EMC3: variants seen among roughly 807,000 people sequenced by gnomAD.
EMC3 encodes ER membrane protein complex subunit 3.
In EMC3, 13 loss-of-function variants were observed where a neutral mutation model predicts 36.6. The observed-to-expected ratio is 0.35, with a 90% CI of 0.23 to 0.56. The LOEUF is 0.56. Ranked by LOEUF, EMC3 falls within the 20% of genes least tolerant of loss-of-function variation. The probability of loss-of-function intolerance (pLI) is 0.84; values close to 1 mark genes in which losing one functional copy is unlikely to be tolerated. For synonymous variants in EMC3, 120 were observed against 111.9 expected, an observed-to-expected ratio of 1.07 and a Z score of -0.46; for missense variants, 220 against 324.5, an observed-to-expected ratio of 0.68 and a Z score of 2.47.
At chr3:10,006,110 C>T (rs1042966946) in intron 1 of EMC3, among the ~76,000 whole-genome samples, 9 of 152,270 alleles carry the variant, frequency 5.9e-5, no homozygotes, top group African/African-American at 2.2e-4. Flanking sequence ...CTATTGTCTC[C>T]CCTTTCACCC....
rs998766262 is a variant in EMC3, at chr3:9,963,946, C to G, written c.*123G>C. The G allele has an allele frequency of 4.8e-5, 73 of 1,509,308 alleles. No individual in the cohort carries two copies. Among genetic ancestry groups the G allele is most frequent in the Non-Finnish European group, 6.3e-5 (70 of 1,117,288 alleles). 93.5% of individuals were successfully genotyped at this position (1,509,308 alleles called of 1,614,324 possible). On this transcript the variant is annotated 3_prime_UTR_variant, in exon 8 of 8. Transcript: ENST00000245046. ...GGAACCCAGCCCAGACAAGAACAAG[C>G]CTTGCTGCATGCCTGCCAGCTCGTG...
At chr3:9,979,335 T>A (rs2085885800) in intron 1 of EMC3, among the ~76,000 whole-genome samples, 1 of 152,084 alleles carries the variant, frequency 6.6e-6, no homozygotes, top group Non-Finnish European at 1.5e-5. Flanking sequence ...CTATAAGAGA[T>A]TAGAAATTTA....
At chr3:9,967,302 C>CCT in intron 7 of EMC3, among the ~76,000 whole-genome samples, 1 of 140,880 alleles carries the variant, frequency 7.1e-6, no homozygotes, top group Non-Finnish European at 1.5e-5. Context: ...TAGGCATGCA[C>CCT]CACCACATTT....
chr3:10,005,220 T>A (rs1259664252), intron 1 of EMC3: 1 of 150,188 alleles, frequency 6.7e-6, no homozygotes, highest in African/African-American at 2.5e-5. Flanking sequence ...AGGCAGATTC[T>A]GTCAGCCCTG....
chr3:9,976,582 C>T (rs1001913652), intron 3 of EMC3, among the ~76,000 whole-genome samples: 14 of 152,102 alleles, frequency 9.2e-5, no homozygotes, highest in Admixed American at 2.6e-4. Context: ...GCTGGGCAGC[C>T]ATCTATTGGA....
intron 1 of EMC3, chr3:10,006,889 A>G: frequency 2.9e-6 from 1 of 350,594 alleles, no homozygotes; most frequent in Non-Finnish European, 5.6e-6. Flanking sequence ...GAGCTGGGCG[A>G]GGCGCCCAGG....
chr3:9,978,154 A>C (rs2085869962), intron 1 of EMC3: 1 of 68,062 alleles, frequency 1.5e-5, no homozygotes, highest in Non-Finnish European at 2.3e-5. Flanking sequence ...CTAAAAAAAA[A>C]AAAAAAAAAA....
chr3:9,971,203 G>A (rs112610659), intron 5 of EMC3, among the ~76,000 whole-genome samples: 7 of 152,064 alleles, frequency 4.6e-5, no homozygotes, highest in African/African-American at 7.2e-5. Context: ...GATTACAGGC[G>A]TGAGCCACTG....
intron 5 of EMC3, among the ~76,000 whole-genome samples, chr3:9,970,958 T>C (rs910626628): frequency 2.0e-5 from 3 of 151,492 alleles, no homozygotes; most frequent in African/African-American, 4.9e-5. Flanking sequence ...AGTCTCACCC[T>C]GTTACCCAGG....
intron 1 of EMC3, among the ~76,000 whole-genome samples, chr3:9,995,949 C>T (rs370565717): frequency 6.6e-6 from 1 of 151,970 alleles, no homozygotes; most frequent in East Asian, 1.9e-4. Context: ...ATTCTTACCA[C>T]AAACATTAAG....
intron 1 of EMC3, chr3:10,007,463 G>T: frequency 7.3e-7 from 1 of 1,367,682 alleles, no homozygotes; most frequent in Non-Finnish European, 9.8e-7. Context: ...TGGGCTCCTG[G>T]CTGTCTAGTG....
upstream of EMC3, chr3:9,988,854 C>T (rs2086010395): frequency 1.3e-6 from 1 of 761,806 alleles, no homozygotes; most frequent in Non-Finnish European, 2.2e-6. Flanking sequence ...AGTCACTCTT[C>T]TCTCTCTTCC....
chr3:9,973,323 A>G (rs1283831361), intron 5 of EMC3, among the ~76,000 whole-genome samples: 1 of 148,468 alleles, frequency 6.7e-6, no homozygotes, highest in African/African-American at 2.5e-5. Context: ...GCCTCCCGAG[A>G]AGCTGGGACT....
At chr3:9,993,138 A>T in intron 1 of EMC3, 1 of 567,162 alleles carries the variant, frequency 1.8e-6, no homozygotes, top group Non-Finnish European at 3.2e-6. Context: ...TTTTGCATTA[A>T]CATTTTAATT....
chr3:9,979,248 T>C (rs2085883788), intron 1 of EMC3, among the ~76,000 whole-genome samples: 2 of 152,304 alleles, frequency 1.3e-5, no homozygotes, highest in South Asian at 4.1e-4. Flanking sequence ...AGAGTAAGGA[T>C]TTAGAGACTT....
Position 9,973,812 on chromosome 3 carries a change from T to C in EMC3, c.413-103A>G, listed in dbSNP as rs2085815619. On this transcript the variant is annotated intron_variant, in intron 4 of 7. Transcript: ENST00000245046. ...TGGGAACTCTGTGCCACATAGCTTT[T>C]GGAAAACGACTTCCACAAGGAAATC... 5.7e-6 allele frequency: 6 copies of C among 1,051,054 alleles called. No individual in the cohort carries two copies. In the South Asian group the frequency reaches 8.0e-5, roughly 14 times the overall value. The allele number at this position is 1,051,054 out of a possible 1,614,324, so 65.1% of individuals were successfully genotyped here.
At chr3:10,006,733 C>T in intron 1 of EMC3, 1 of 301,784 alleles carries the variant, frequency 3.3e-6, no homozygotes, top group Non-Finnish European at 6.6e-6. Context: ...GCAGAGTGAC[C>T]AGAGTCAATG....
chr3:9,974,998 T>G (rs2085830442), intron 3 of EMC3, among the ~76,000 whole-genome samples: 1 of 151,444 alleles, frequency 6.6e-6, no homozygotes, highest in Non-Finnish European at 1.5e-5. Context: ...GTAGCTGGGA[T>G]TACAGGCACA....
At chr3:9,983,731 CAA>C (rs1575684794) in intron 1 of EMC3, among the ~76,000 whole-genome samples, 1 of 151,944 alleles carries the variant, frequency 6.6e-6, no homozygotes, top group East Asian at 1.9e-4. Context: ...TTTGTGGTTA[CAA>C]AAGAGAGCTT....
Sources: gnomAD v4.1 joint callset for allele counts (sites outside exome capture counted in the v4.1 genomes callset) on GRCh38, gnomAD v4.1.1 for gene constraint, MANE v1.5 for transcripts, NCBI Gene and HGNC (gene_info 2026-07-23, HGNC 2026-07-21) for gene names.